Variants in COMMD3 observed in about 807,000 individuals in gnomAD.
The protein encoded by COMMD3 is COMM domain-containing protein 3.
A neutral mutation model predicts 31.2 loss-of-function variants in COMMD3; 31 were observed. The observed-to-expected ratio is 0.99, with a 90% CI of 0.75 to 1.34. COMMD3 has a LOEUF of 1.34. Among genes scored for constraint, COMMD3 ranks in the 40% most tolerant of loss-of-function variants. COMMD3 has a pLI of 0.00. For synonymous variants in COMMD3, 108 were observed against 87.3 expected, an observed-to-expected ratio of 1.24 and a Z score of -1.32; for missense variants, 274 against 236.9, an observed-to-expected ratio of 1.16 and a Z score of -1.03.
Position 22,318,138 on chromosome 10 carries a change from G to A in COMMD3, c.285G>A (p.Glu95=). 1 of 1,612,948 alleles carries A rather than the reference G, an allele frequency of 6.2e-7. No individual in the cohort carries two copies. The highest frequency in any genetic ancestry group is 1.1e-5 in the South Asian group (1 of 90,872). ...TAGAAGACTGTAAATTTGACAGAGAGCGAATAGAACTGTTTTGCACGGAAT... is the reference window on the plus strand; with the variant it reads ...TAGAAGACTGTAAATTTGACAGAGAACGAATAGAACTGTTTTGCACGGAAT... ...TYLEDCKFDR[E]RIELFCTEYQ... The change falls in exon 3 of 8, where the codon GAG becomes GAA. Residue 95 remains glutamate, a synonymous_variant. Coordinates refer to ENST00000376836, the MANE Select transcript of COMMD3 (RefSeq NM_012071.4).
In COMMD3 at chr10:22,319,777, C is replaced by CT. The variant is rs1188802340; in HGVS notation, c.529-155dup. On this transcript the variant is annotated intron_variant, in intron 7 of 7. Transcript: ENST00000376836. ...AACATGAGGTATTTCCGAGGAAACG[C>CT]TTTTTTTGCCCGATAGTAGTTTGTC... 17 of 804,922 alleles carry CT rather than the reference C, an allele frequency of 2.1e-5. No homozygotes were observed. In the East Asian group the frequency reaches 2.7e-4, roughly 13 times the overall value. 49.9% of individuals were successfully genotyped at this position (804,922 alleles called of 1,614,324 possible). A position where few individuals can be genotyped will look rare whatever the true frequency, so the allele number is the denominator to read the frequency against.
chr10:22,316,443 A>G lies in COMMD3; in HGVS notation c.26A>G (p.Lys9Arg), dbSNP rs974038630. MELSESVQ[K>R]GFQMLADPRS... ...ATGGAGCTCTCGGAGTCTGTGCAGAAAGGCTTCCAGATGCTGGCGGATCCC... is the reference window on the plus strand; with the variant it reads ...ATGGAGCTCTCGGAGTCTGTGCAGAGAGGCTTCCAGATGCTGGCGGATCCC... The change falls in exon 1 of 8, where the codon AAA (lysine) becomes AGA (arginine). Residue 9 changes from lysine to arginine, a missense_variant. Physicochemically the swap from Lys to Arg is conservative, Grantham distance 26. Coordinates refer to ENST00000376836, the MANE Select transcript of COMMD3 (RefSeq NM_012071.4). 1 of 1,551,068 alleles carries G rather than the reference A, an allele frequency of 6.4e-7. No individual in the cohort carries two copies. Among genetic ancestry groups the G allele is most frequent in the East Asian group, 2.4e-5 (1 of 40,912 alleles).
At chr10:22,317,443 C>T (rs1835872383) in intron 1 of COMMD3, 1 of 154,028 alleles carries the variant, frequency 6.5e-6, no homozygotes, top group Admixed American at 6.4e-5. Context: ...ATTCTGAACT[C>T]ATGCCCTACC....
intron 1 of COMMD3, 78 bp from the exon 2 acceptor site, chr10:22,317,805 CA>C: frequency 6.6e-7 from 1 of 1,514,936 alleles, no homozygotes; most frequent in Non-Finnish European, 9.0e-7. Flanking sequence ...TTTTTAAACC[CA>C]AATTAAAATA....
chr10:22,316,621 G>C (rs1564345536), intron 1 of COMMD3, 65 bp downstream of exon 1: 3 of 1,412,918 alleles, frequency 2.1e-6, no homozygotes, highest in Non-Finnish European at 1.9e-6. Flanking sequence ...GAGAAGAGGA[G>C]CCGGCGGAGC....
intron 1 of COMMD3, chr10:22,317,424 G>C (rs888736434): frequency 2.0e-5 from 3 of 152,260 alleles, no homozygotes; most frequent in African/African-American, 7.3e-5. Flanking sequence ...TTTGAAATTT[G>C]TATCTTATAT....
At chr10:22,319,758 A>C in intron 7 of COMMD3, 181 bp from the exon 8 acceptor site, 3 of 646,592 alleles carry the variant, frequency 4.6e-6, no homozygotes, top group Non-Finnish European at 7.7e-6. Flanking sequence ...TTTGAACATG[A>C]GGTATTTCCG....
At chr10:22,316,873 C>T (rs773917625) in intron 1 of COMMD3, 2 of 198,504 alleles carry the variant, frequency 1.0e-5, no homozygotes, top group Non-Finnish European at 2.0e-5. Flanking sequence ...GGTGTTTAGC[C>T]TTGTCTGAGG....
At chr10:22,318,627 T>C in intron 4 of COMMD3, 26 bp from the exon 5 acceptor site, 3 of 1,596,412 alleles carry the variant, frequency 1.9e-6, no homozygotes, top group Non-Finnish European at 2.6e-6. Flanking sequence ...GGAGACTATG[T>C]ACGAAGTTAT....
In COMMD3 at chr10:22,318,716, A is replaced by C. The variant is rs377289240; in HGVS notation, c.411+3A>C. ...GGCGCTTGGAATATCAGATAAAGGT[A>C]AAGTTTAAGAAACTTCTCTAGCGGG... On this transcript the variant is annotated splice_donor_region_variant and intron_variant, in intron 5 of 7. Transcript: ENST00000376836. The C allele has an allele frequency of 1.2e-4, 192 of 1,613,026 alleles. No individual in the cohort carries two copies. Among genetic ancestry groups the C allele is most frequent in the Non-Finnish European group, 1.6e-4 (187 of 1,179,252 alleles).
chr10:22,320,154 C>T lies in COMMD3; in HGVS notation c.*156C>T. The T allele has an allele frequency of 6.5e-7, 1 of 1,533,262 alleles. No individual in the cohort carries two copies. The highest frequency in any genetic ancestry group is 8.8e-7 in the Non-Finnish European group (1 of 1,136,840). The allele number at this position is 1,533,262 out of a possible 1,614,324, so 95.0% of individuals were successfully genotyped here. A position where few individuals can be genotyped will look rare whatever the true frequency, so the allele number is the denominator to read the frequency against. Reference sequence around the variant, plus strand: ...TTCATCAATTTTGACACTTTAAAAACGTGTGAAAGGGTTAAGAGGGAAAGA... The same window carrying T: ...TTCATCAATTTTGACACTTTAAAAATGTGTGAAAGGGTTAAGAGGGAAAGA... On this transcript the variant is annotated 3_prime_UTR_variant, in exon 8 of 8. Coordinates refer to ENST00000376836, the MANE Select transcript of COMMD3 (RefSeq NM_012071.4).
chr10:22,319,286 T>G (rs544506256), intron 7 of COMMD3: 2 of 331,286 alleles, frequency 6.0e-6, no homozygotes, highest in South Asian at 1.9e-4. Flanking sequence ...TGTAAATTTC[T>G]TCTATTCATG....
Position 22,320,158 on chromosome 10 carries a change from T to C in COMMD3, c.*160T>C. 8 of 1,532,020 alleles carry C rather than the reference T, an allele frequency of 5.2e-6. No individual in the cohort carries two copies. Among genetic ancestry groups the C allele is most frequent in the Non-Finnish European group, 7.0e-6 (8 of 1,136,800 alleles). The allele number at this position is 1,532,020 out of a possible 1,614,324, so 94.9% of individuals were successfully genotyped here. On this transcript the variant is annotated 3_prime_UTR_variant, in exon 8 of 8. Coordinates refer to ENST00000376836, the MANE Select transcript of COMMD3 (RefSeq NM_012071.4). The stretch of plus-strand genomic sequence containing the variant: ...TCAATTTTGACACTTTAAAAACGTG[T>C]GAAAGGGTTAAGAGGGAAAGATACT...
intron 5 of COMMD3, 28 bp from the exon 6 acceptor site, chr10:22,318,778 C>T (rs1204319744): frequency 6.2e-7 from 1 of 1,613,734 alleles, no homozygotes; most frequent in Non-Finnish European, 8.5e-7. Flanking sequence ...GAGTTAAAAG[C>T]TGTTGCGTGT....
chr10:22,317,850 A>T (rs748208878), intron 1 of COMMD3, 34 bp from the exon 2 acceptor site: 1 of 1,604,584 alleles, frequency 6.2e-7, no homozygotes, highest in African/African-American at 1.3e-5. Context: ...AGAATTTATT[A>T]TCATAGGCAT....
chr10:22,319,967 C>T lies in COMMD3; in HGVS notation c.557C>T (p.Ser186Leu). 1 of 1,613,944 alleles carries T rather than the reference C, an allele frequency of 6.2e-7. No individual in the cohort carries two copies. Among genetic ancestry groups the T allele is most frequent in the Non-Finnish European group, 8.5e-7 (1 of 1,179,976 alleles). The change falls in exon 8 of 8, where the codon TCG (serine) becomes TTG (leucine). Residue 186 changes from serine (S) to leucine (L), a missense_variant. Physicochemically the swap from Ser to Leu is moderately radical, Grantham distance 145. Coordinates refer to ENST00000376836, the MANE Select transcript of COMMD3 (RefSeq NM_012071.4). ...QDLVGKLKDA[S>L]KSLERATQL Reference sequence around the variant, plus strand: ...TTGGTGGGGAAACTTAAAGATGCTTCGAAAAGCCTGGAAAGAGCAACTCAG... The same window carrying T: ...TTGGTGGGGAAACTTAAAGATGCTTTGAAAAGCCTGGAAAGAGCAACTCAG...
rs1835878422 is a variant in COMMD3 at position 22,317,798 on chromosome 10, T to G, written c.140-86T>G. On this transcript the variant is annotated intron_variant, in intron 1 of 7. Coordinates refer to ENST00000376836, the MANE Select transcript of COMMD3 (RefSeq NM_012071.4). ...TGTTTTTAATCTTGTTAAAGGGTTT[T>G]TAAACCCAAATTAAAATATCCTTTT... 23 of 1,481,040 alleles carry G rather than the reference T, an allele frequency of 1.6e-5. No individual in the cohort carries two copies. In the South Asian group the frequency reaches 2.6e-4, roughly 17 times the overall value. The allele number at this position is 1,481,040 out of a possible 1,614,324, so 91.7% of individuals were successfully genotyped here.
At chr10:22,318,601 T>A (rs147493467) in intron 4 of COMMD3, 52 bp from the exon 5 acceptor site, 31 of 1,496,586 alleles carry the variant, frequency 2.1e-5, no homozygotes, top group Admixed American at 8.5e-5. Context: ...TATAAATAAC[T>A]GAAAAGTTCT....
Position 22,317,905 on chromosome 10 carries a change from T to C in COMMD3, c.161T>C (p.Ile54Thr), listed in dbSNP as rs766744221. The C allele has an allele frequency of 5.6e-6, 9 of 1,613,904 alleles. 1 individual carries two copies. The highest frequency in any genetic ancestry group is 3.3e-5 in the Admixed American group (2 of 59,996). The change falls in exon 2 of 8, where the codon ATC becomes ACC. Residue 54 changes from isoleucine (I) to threonine (T), a missense_variant. Ile to Thr is a moderately conservative substitution (Grantham distance 89). Transcript: ENST00000376836. Reference protein sequence around the residue: ...AVLDHPDLKHIDPVVLKHCHA... With the variant: ...AVLDHPDLKHTDPVVLKHCHA... ...TTAGATCATCCAGACTTGAAACATA[T>C]CGACCCAGTGGTTTTAAAACATTGT...
Sources: gnomAD v4.1 joint callset for allele counts on GRCh38, gnomAD v4.1.1 for gene constraint, MANE v1.5 for transcripts, NCBI Gene and HGNC (gene_info 2026-07-23, HGNC 2026-07-21) for gene names.